Variants in CFAP46 observed in about 807,000 individuals in gnomAD.
The protein encoded by CFAP46 is cilia and flagella associated protein 46.
Under a neutral mutation model 325.7 loss-of-function variants are expected in CFAP46, and 245 were observed. That is an observed-to-expected ratio of 0.75 (90% CI 0.68 to 0.84). The LOEUF is 0.84. Among genes scored for constraint, CFAP46 ranks in the 40% least tolerant of loss-of-function variants. The pLI is 0.00. For missense variants in CFAP46, 3,346 were observed against 3,543.0 expected (o/e 0.94, Z 1.41); for synonymous variants, 1,523 against 1,495.9 (o/e 1.02, Z -0.42).
At chr10:132,821,716 CTG>C (rs1170247612) in intron 50 of CFAP46, among the ~76,000 whole-genome samples, 2 of 105,806 alleles carry the variant, frequency 1.9e-5, no homozygotes, top group Non-Finnish European at 3.6e-5. Flanking sequence ...CTGACGTGTG[CTG>C]TGTGCTGACG....
chr10:132,852,353 ACG>A, intron 39 of CFAP46, among the ~76,000 whole-genome samples: 4 of 121,592 alleles, frequency 3.3e-5, no homozygotes, highest in Non-Finnish European at 7.2e-5. Flanking sequence ...TGATCCACAG[ACG>A]TGGTATGTTC....
chr10:132,825,197 CGCTGTGT>C (rs1242480810), intron 50 of CFAP46, among the ~76,000 whole-genome samples: 4 of 121,170 alleles, frequency 3.3e-5, no homozygotes, highest in Admixed American at 8.9e-5. Context: ...GTGCTGTGTG[CGCTGTGT>C]GCTGTGTGTG....
chr10:132,824,634 CTGA>C (rs1847995490), intron 50 of CFAP46, among the ~76,000 whole-genome samples: 1 of 75,718 alleles, frequency 1.3e-5, no homozygotes, highest in Non-Finnish European at 2.4e-5. Flanking sequence ...GTGCTGTGTG[CTGA>C]TGTGTGCTGA....
chr10:132,830,745 T>C (rs1455994305), intron 50 of CFAP46, among the ~76,000 whole-genome samples: 2 of 152,250 alleles, frequency 1.3e-5, no homozygotes, highest in Non-Finnish European at 2.9e-5. Flanking sequence ...TTGATTTTTC[T>C]CAAAGCACTT....
chr10:132,919,385 GA>G lies in CFAP46; in HGVS notation c.1787del (p.Val596AlafsTer17). Reference protein sequence around the residue: ...KVARKQGVWDVCRTASRFCLL... With the variant: ...KVARKQGVWDXCRTASRFCLL... ...GGCAGAAGCGGCTCGCCGTCCGACA[GA>G]CGTCCCACACGCCTTGTTTCCGGGC... On this transcript the variant is annotated frameshift_variant, in exon 15 of 58. Coordinates refer to ENST00000368586, the MANE Select transcript of CFAP46 (RefSeq NM_001200049.3). LOFTEE classifies it high-confidence loss of function. The surrounding 1 kb of genome is among the most constrained non-coding windows in gnomAD (Gnocchi z 9.7). 1 of 1,550,196 alleles carries G rather than the reference GA, an allele frequency of 6.5e-7. No homozygotes were observed. Among genetic ancestry groups the G allele is most frequent in the Non-Finnish European group, 8.7e-7 (1 of 1,146,928 alleles).
intron 19 of CFAP46, among the ~76,000 whole-genome samples, chr10:132,912,401 CCT>C (rs1466716237): frequency 7.1e-5 from 10 of 141,216 alleles, no homozygotes; most frequent in Non-Finnish European, 9.3e-5. Context: ...TCTCTCCTCT[CCT>C]CTCTCTGCTC....
chr10:132,922,390 G>A (rs997027543), intron 12 of CFAP46, 90 bp downstream of exon 12: 46 of 1,452,548 alleles, frequency 3.2e-5, no homozygotes, highest in East Asian at 3.0e-4. Flanking sequence ...AGCCCTGGGC[G>A]GCTCCCGCCC....
Position 132,924,765 on chromosome 10 carries a change from T to G in CFAP46, c.1187A>C (p.Gln396Pro). 1 of 1,536,956 alleles carries G rather than the reference T, an allele frequency of 6.5e-7. No homozygotes were observed. Among genetic ancestry groups the G allele is most frequent in the Non-Finnish European group, 8.8e-7 (1 of 1,141,144 alleles). ...CCGCAGGTGGTGCCGCAGGTTGTGC[T>G]GCAGCAGGGGCAGGCAGGTGTTCCA... is the stretch of plus-strand genomic sequence containing the variant. Reference protein sequence around the residue: ...TQWNTCLPLLQHNLRHHLRKP... With the variant: ...TQWNTCLPLLPHNLRHHLRKP... The change falls in exon 11 of 58, where the codon CAG becomes CCG. Residue 396 changes from glutamine to proline, a missense_variant. Transcript: ENST00000368586.
At chr10:132,909,608 G>A (rs907548330) in intron 20 of CFAP46, among the ~76,000 whole-genome samples, 5 of 152,200 alleles carry the variant, frequency 3.3e-5, no homozygotes, top group Admixed American at 2.6e-4. Context: ...AGGCTCCAAG[G>A]CCCCTCCTCC....
intron 21 of CFAP46, 118 bp from the exon 22 acceptor site, chr10:132,908,752 G>T: frequency 7.8e-7 from 1 of 1,282,768 alleles, no homozygotes; most frequent in Non-Finnish European, 1.0e-6. Flanking sequence ...GGCCTGTGAA[G>T]GGCCACCGTG....
At chr10:132,835,525 G>A in intron 46 of CFAP46, 91 bp from the exon 47 acceptor site, 1 of 1,511,698 alleles carries the variant, frequency 6.6e-7, no homozygotes, top group Non-Finnish European at 9.0e-7. Flanking sequence ...AAGGGCTGCT[G>A]TCCCACAGGA....
intron 50 of CFAP46, among the ~76,000 whole-genome samples, chr10:132,823,849 G>A (rs1847957916): frequency 6.9e-6 from 1 of 144,168 alleles, no homozygotes; most frequent in Admixed American, 7.1e-5. Context: ...TGTTGTGTGA[G>A]TGCTGATGTG....
chr10:132,941,485 C>T (rs1850100553), intron 3 of CFAP46, 106 bp downstream of exon 3: 7 of 1,427,778 alleles, frequency 4.9e-6, no homozygotes, highest in Non-Finnish European at 6.6e-6. Context: ...AATTCCTTCA[C>T]TCTACTACCC....
intron 16 of CFAP46, among the ~76,000 whole-genome samples, chr10:132,917,481 G>A (rs572638511): frequency 6.6e-6 from 1 of 152,372 alleles, no homozygotes; most frequent in East Asian, 1.9e-4. Flanking sequence ...CTGCGTGGGA[G>A]GAACAGGCCT....
Position 132,919,219 on chromosome 10 carries a change from G to A in CFAP46, c.1858+96C>T. 1 of 1,279,126 alleles carries A rather than the reference G, an allele frequency of 7.8e-7. No individual in the cohort carries two copies. The highest frequency in any genetic ancestry group is 1.0e-6 in the Non-Finnish European group (1 of 954,778). 79.2% of individuals were successfully genotyped at this position (1,279,126 alleles called of 1,614,324 possible). A position where few individuals can be genotyped will look rare whatever the true frequency, so the allele number is the denominator to read the frequency against. ...TAGCAATACGCTTTCTCATGCGAAG[G>A]CCCCATGGGTTGTCATTGCACGAAC... On this transcript the variant is annotated intron_variant, in intron 15 of 57. Transcript: ENST00000368586. The surrounding 1 kb of genome is among the most constrained non-coding windows in gnomAD (Gnocchi z 9.7).
At chr10:132,932,108 C>T (rs1849918095) in intron 8 of CFAP46, among the ~76,000 whole-genome samples, 1 of 148,254 alleles carries the variant, frequency 6.7e-6, no homozygotes, top group Admixed American at 6.7e-5. Flanking sequence ...AGAGCCTGGG[C>T]CTTCCTCCTC....
intron 8 of CFAP46, among the ~76,000 whole-genome samples, chr10:132,934,321 C>T (rs1407764321): frequency 1.4e-5 from 2 of 144,510 alleles, no homozygotes; most frequent in Non-Finnish European, 1.5e-5. Flanking sequence ...CTGAAAGCCT[C>T]GGGCTCAGCT....
intron 19 of CFAP46, among the ~76,000 whole-genome samples, chr10:132,912,283 T>C (rs1218579415): frequency 1.2e-5 from 1 of 82,194 alleles, no homozygotes; most frequent in Non-Finnish European, 2.4e-5. Flanking sequence ...TTCTCCTCTC[T>C]CCTCCTCTCT....
At position 132,886,549 on chromosome 10, in the gene CFAP46, A is replaced by G. The variant is rs1214588185; in HGVS notation, c.3305-590T>C. On this transcript the variant is annotated intron_variant, in intron 25 of 57. Coordinates refer to ENST00000368586, the MANE Select transcript of CFAP46 (RefSeq NM_001200049.3). The surrounding 1 kb of genome is among the most constrained non-coding windows in gnomAD (Gnocchi z 5.8). ...GCCCTGTGGGCCATCAGTGCCCCCAAATGCACGAAGCCAGCAGGGTGGATC... is the reference window on the plus strand; with the variant it reads ...GCCCTGTGGGCCATCAGTGCCCCCAGATGCACGAAGCCAGCAGGGTGGATC... Among the ~76,000 whole-genome samples the G allele has an allele frequency of 6.6e-6, 1 of 152,250 alleles. No homozygotes were observed. The highest frequency in any genetic ancestry group is 1.9e-4 in the East Asian group (1 of 5,172).
Sources: gnomAD v4.1 joint callset for allele counts (sites outside exome capture counted in the v4.1 genomes callset) on GRCh38, gnomAD v4.1.1 for gene constraint, Gnocchi (gnomAD v3.1) non-coding constraint, MANE v1.5 for transcripts, NCBI Gene and HGNC (gene_info 2026-07-23, HGNC 2026-07-21) for gene names.